HACD3: variants seen among roughly 807,000 people sequenced by gnomAD.
The protein encoded by HACD3 is 3-hydroxyacyl-CoA dehydratase 3, also known as very-long-chain (3R)-3-hydroxyacyl-CoA dehydratase 3.
Under a neutral mutation model 55.2 loss-of-function variants are expected in HACD3, and 30 were observed. The observed-to-expected ratio is 0.54, with a 90% CI of 0.41 to 0.74. The LOEUF (loss-of-function observed/expected upper bound fraction) is 0.74. Among genes scored for constraint, HACD3 ranks in the 30% least tolerant of loss-of-function variants. HACD3 has a pLI of 0.00. For synonymous variants in HACD3, 141 were observed against 151.7 expected, an observed-to-expected ratio of 0.93 and a Z score of 0.52; for missense variants, 363 against 440.1, an observed-to-expected ratio of 0.82 and a Z score of 1.57.
In HACD3 at chr15:65,530,589, G is replaced by A. The variant is rs746580673; in HGVS notation, c.-43G>A. ...AGCAGAGCACTACCTGAGGCAGCGA[G>A]GCGCAGCGAGCCTAGCCTCCCCGCG... On this transcript the variant is annotated 5_prime_UTR_variant, in exon 1 of 11. Transcript: ENST00000261875. 6.6e-7 allele frequency: 1 copy of A among 1,520,682 alleles called. No homozygotes were observed. Among genetic ancestry groups the A allele is most frequent in the Non-Finnish European group, 8.9e-7 (1 of 1,122,392 alleles). 94.2% of individuals were successfully genotyped at this position (1,520,682 alleles called of 1,614,324 possible).
intron 9 of HACD3, among the ~76,000 whole-genome samples, chr15:65,571,985 C>T (rs1047400361): frequency 1.3e-5 from 2 of 152,184 alleles, no homozygotes; most frequent in African/African-American, 4.8e-5. Context: ...GGATTTTCCT[C>T]TCCATTTTAT....
chr15:65,576,582 G>T lies in HACD3; in HGVS notation c.*203G>T. On this transcript the variant is annotated 3_prime_UTR_variant, in exon 11 of 11. Coordinates refer to ENST00000261875, the MANE Select transcript of HACD3 (RefSeq NM_016395.4). ...ATGACATGGATTCCTGATATCTGAT[G>T]AGAGGTTCATTCTTGTGTATTCAGT... 1.6e-6 allele frequency: 1 copy of T among 617,676 alleles called. No individual in the cohort carries two copies. Among genetic ancestry groups the T allele is most frequent in the Non-Finnish European group, 2.8e-6 (1 of 362,980 alleles). 38.3% of individuals were successfully genotyped at this position (617,676 alleles called of 1,614,324 possible).
intron 1 of HACD3, among the ~76,000 whole-genome samples, chr15:65,541,834 G>GT (rs1311201101): frequency 1.3e-5 from 2 of 152,056 alleles, no homozygotes; most frequent in Non-Finnish European, 1.5e-5. Flanking sequence ...AAAGAGTAAG[G>GT]TCTTTATGAG....
intron 1 of HACD3, among the ~76,000 whole-genome samples, chr15:65,533,976 G>A (rs544104254): frequency 6.1e-4 from 92 of 151,800 alleles, no homozygotes; most frequent in African/African-American, 2.1e-3. Context: ...GCGTGAACCC[G>A]GGAGGTGGAG....
intron 1 of HACD3, among the ~76,000 whole-genome samples, chr15:65,549,624 C>G (rs1393512371): frequency 7.2e-6 from 1 of 139,714 alleles, no homozygotes; most frequent in Non-Finnish European, 1.5e-5. Context: ...AAAAAAAGAT[C>G]AAAGCCCAAG....
At position 65,577,671 on chromosome 15, in the gene HACD3, G is replaced by C. The variant is rs2072421020; in HGVS notation, c.*1292G>C. The stretch of plus-strand genomic sequence containing the variant: ...GCTGAGTCCATTTACTTGTGTACTT[G>C]TTCTAGTGAGTGGTGGGACTGTACA... On this transcript the variant is annotated 3_prime_UTR_variant, in exon 11 of 11. Coordinates refer to ENST00000261875, the MANE Select transcript of HACD3 (RefSeq NM_016395.4). 6.6e-6 allele frequency: 1 copy of C among 151,260 alleles called. No homozygotes were observed. The highest frequency in any genetic ancestry group is 1.5e-5 in the Non-Finnish European group (1 of 68,034). The allele number at this position is 151,260 out of a possible 1,614,324, so 9.4% of individuals were successfully genotyped here.
Position 65,577,524 on chromosome 15 carries a change from A to G in HACD3, c.*1145A>G, listed in dbSNP as rs2072417904. 1 of 152,358 alleles carries G rather than the reference A, an allele frequency of 6.6e-6. No homozygotes were observed. The highest frequency in any genetic ancestry group is 1.9e-4 in the East Asian group (1 of 5,202). 9.4% of individuals were successfully genotyped at this position (152,358 alleles called of 1,614,324 possible). ...CAAAGGGAACACAGTATGTAGGTCA[A>G]ACTGGCAGTAACAGTGTACAGCCTT... On this transcript the variant is annotated 3_prime_UTR_variant, in exon 11 of 11. Transcript: ENST00000261875.
intron 1 of HACD3, among the ~76,000 whole-genome samples, chr15:65,537,958 AAT>A (rs755882094): frequency 3.1e-3 from 35 of 11,156 alleles, no homozygotes; most frequent in African/African-American, 0.013. Flanking sequence ...AAAAAAAAAA[AAT>A]ATATATATAT....
chr15:65,537,958 A>AATATAT (rs755882094), intron 1 of HACD3, among the ~76,000 whole-genome samples: 3 of 11,158 alleles, frequency 2.7e-4, no homozygotes, highest in Admixed American at 1.1e-3. Flanking sequence ...AAAAAAAAAA[A>AATATAT]ATATATATAT....
At chr15:65,560,256 C>T (rs2072231540) in intron 5 of HACD3, among the ~76,000 whole-genome samples, 1 of 152,114 alleles carries the variant, frequency 6.6e-6, no homozygotes, top group Non-Finnish European at 1.5e-5. Context: ...TATCTGTAGC[C>T]TAGGAATAAA....
chr15:65,534,165 G>A (rs867542350), intron 1 of HACD3, among the ~76,000 whole-genome samples: 5 of 152,196 alleles, frequency 3.3e-5, no homozygotes, highest in Non-Finnish European at 5.9e-5. Flanking sequence ...CATTAAGCTA[G>A]GTGTGGGGTT....
In HACD3 at chr15:65,567,092, G is replaced by T. The variant is rs539017162; in HGVS notation, c.660+2750G>T. On this transcript the variant is annotated intron_variant, in intron 7 of 10. Coordinates refer to ENST00000261875, the MANE Select transcript of HACD3 (RefSeq NM_016395.4). ...AATCCCCATACTTTGGGAAGCTGAG[G>T]TAGGAGGATTGCTTGAGGCCAGCAG... is the stretch of plus-strand genomic sequence containing the variant. The T allele has an allele frequency of 5.9e-5, 9 of 152,018 alleles. No homozygotes were observed. The East Asian group carries it at 1.7e-3, about 29-fold the overall frequency. 9.4% of individuals were successfully genotyped at this position (152,018 alleles called of 1,614,324 possible).
chr15:65,575,950 C>T (rs768128038), intron 10 of HACD3, among the ~76,000 whole-genome samples: 1 of 152,098 alleles, frequency 6.6e-6, no homozygotes. Context: ...AAAAATTAGC[C>T]AGGCATGGTG....
chr15:65,534,781 G>A (rs575106989), intron 1 of HACD3, among the ~76,000 whole-genome samples: 1 of 152,310 alleles, frequency 6.6e-6, no homozygotes, highest in African/African-American at 2.4e-5. Context: ...AGACAGATAT[G>A]AACAGTAGTG....
chr15:65,542,604 AAC>A (rs1472790407), intron 1 of HACD3, among the ~76,000 whole-genome samples: 2 of 152,168 alleles, frequency 1.3e-5, no homozygotes, highest in Admixed American at 1.3e-4. Context: ...ATTTTTGCAA[AAC>A]ACGCATATAC....
chr15:65,532,503 T>C (rs2071911679), intron 1 of HACD3, among the ~76,000 whole-genome samples: 1 of 152,006 alleles, frequency 6.6e-6, no homozygotes, highest in Admixed American at 6.6e-5. Flanking sequence ...TGCATGCGTG[T>C]AATTCACTAT....
chr15:65,543,083 A>AG (rs2072038065), intron 1 of HACD3, among the ~76,000 whole-genome samples: 1 of 151,774 alleles, frequency 6.6e-6, no homozygotes, highest in Non-Finnish European at 1.5e-5. Context: ...TAAAAAAAAA[A>AG]AAAAAAGAAA....
At chr15:65,544,106 G>A (rs1429447365) in intron 1 of HACD3, among the ~76,000 whole-genome samples, 1 of 152,202 alleles carries the variant, frequency 6.6e-6, no homozygotes, top group Non-Finnish European at 1.5e-5. Context: ...GAACCCGGGA[G>A]GCGGAGCTTG....
rs952010475 is a variant in HACD3 at position 65,530,530 on chromosome 15, C to T, written c.-102C>T. On this transcript the variant is annotated 5_prime_UTR_variant, in exon 1 of 11. Transcript: ENST00000261875. ...GTGCCGGGTTGCAGGCGCTCAGGAG[C>T]GCTAGGGTTTGAGGCCTGCTTTCTG... The T allele has an allele frequency of 4.7e-5, 51 of 1,077,018 alleles. No homozygotes were observed. Among genetic ancestry groups the T allele is most frequent in the Non-Finnish European group, 5.9e-5 (45 of 757,272 alleles). 66.7% of individuals were successfully genotyped at this position (1,077,018 alleles called of 1,614,324 possible).
Sources: gnomAD v4.1 joint callset for allele counts (sites outside exome capture counted in the v4.1 genomes callset) on GRCh38, gnomAD v4.1.1 for gene constraint, MANE v1.5 for transcripts, NCBI Gene and HGNC (gene_info 2026-07-23, HGNC 2026-07-21) for gene names.